The following CHODL variants were observed in gnomAD, a reference collection of about 807,000 sequenced individuals.
The protein encoded by CHODL is transmembrane protein MT75.
A neutral mutation model predicts 34.5 loss-of-function variants in CHODL; 29 were observed. That is an observed-to-expected ratio of 0.84 (90% CI 0.63 to 1.15). The LOEUF (loss-of-function observed/expected upper bound fraction) is 1.15, where lower values mean the gene tolerates loss of function less well. Ranked by LOEUF, CHODL falls within the 50% of genes most tolerant of loss-of-function variation. The pLI, the probability that CHODL is intolerant of heterozygous loss-of-function variation, is 0.00. For synonymous variants in CHODL, 125 were observed against 116.1 expected, an observed-to-expected ratio of 1.08 and a Z score of -0.49; for missense variants, 332 against 332.5, an observed-to-expected ratio of 1.00 and a Z score of 0.01.
rs998733615 is a variant in CHODL at position 18,163,445 on chromosome 21, T to TC, written c.-44-93060dup. Among the ~76,000 whole-genome samples the TC allele has an allele frequency of 4.6e-5, 7 of 152,214 alleles. No individual in the cohort carries two copies. The East Asian group carries it at 1.3e-3, about 29-fold the overall frequency. On this transcript the variant is annotated intron_variant, in intron 2 of 6. Transcript: ENST00000400127. ...AGGATTTTTTCAATTGCCTTTTTTT[T>TC]CCCCTAGAGAGTAAATGTGAAAGAC... is the stretch of plus-strand genomic sequence containing the variant.
chr21:18,216,989 A>G (rs149032967), intron 2 of CHODL, among the ~76,000 whole-genome samples: 2 of 152,162 alleles, frequency 1.3e-5, no homozygotes, highest in East Asian at 1.9e-4. Context: ...GCAGGATTTC[A>G]TCCTTTTTTA....
At chr21:18,182,372 C>T (rs898055932) in intron 2 of CHODL, among the ~76,000 whole-genome samples, 1 of 152,208 alleles carries the variant, frequency 6.6e-6, no homozygotes, top group African/African-American at 2.4e-5. Context: ...TCTTTCTCCA[C>T]TGGCATAAAA....
intron 1 of CHODL, among the ~76,000 whole-genome samples, chr21:18,019,068 G>T (rs56289939): frequency 5.9e-5 from 9 of 152,116 alleles, no homozygotes; most frequent in Non-Finnish European, 1.0e-4. Context: ...AAACAATAAA[G>T]ATAAAAATGA....
chr21:18,015,329 T>C (rs534953680), intron 1 of CHODL, among the ~76,000 whole-genome samples: 4 of 152,164 alleles, frequency 2.6e-5, no homozygotes, highest in Non-Finnish European at 5.9e-5. Context: ...TGTCACTGTG[T>C]GAAGATGTGC....
rs112719342 is a variant in CHODL at position 17,939,305 on chromosome 21, C to G, written c.-145+21905C>G. Among the ~76,000 whole-genome samples, 2 of 152,126 alleles carry G rather than the reference C, an allele frequency of 1.3e-5. 1 individual carries two copies. The highest frequency in any genetic ancestry group is 4.1e-4 in the South Asian group (2 of 4,826). On this transcript the variant is annotated intron_variant, in intron 1 of 6. Transcript: ENST00000400127. ...GATATGGATTTGACTATTTTAGACA[C>G]TGAATATAAGAAGAATCATGCAGTA... is the stretch of plus-strand genomic sequence containing the variant.
chr21:18,086,431 A>G (rs1035300282), intron 2 of CHODL, among the ~76,000 whole-genome samples: 2 of 151,600 alleles, frequency 1.3e-5, no homozygotes, highest in African/African-American at 4.9e-5. Flanking sequence ...TCTTTTTTTC[A>G]TGTTTTCTGT....
intron 2 of CHODL, among the ~76,000 whole-genome samples, chr21:18,099,453 T>A (rs965319537): frequency 1.3e-5 from 2 of 151,530 alleles, no homozygotes; most frequent in Non-Finnish European, 2.9e-5. Flanking sequence ...AGGAATATAG[T>A]TTATATTTTC....
chr21:18,255,733 G>A (rs982426785), intron 1 of CHODL, among the ~76,000 whole-genome samples: 2 of 151,784 alleles, frequency 1.3e-5, no homozygotes, highest in African/African-American at 4.8e-5. Flanking sequence ...AATTCTTTAA[G>A]TTCATAGTTG....
At chr21:18,223,804 C>G (rs770378880) in intron 2 of CHODL, among the ~76,000 whole-genome samples, 1 of 152,192 alleles carries the variant, frequency 6.6e-6, no homozygotes, top group South Asian at 2.1e-4. Flanking sequence ...GTTTGTTACT[C>G]GAACCAACGT....
intron 2 of CHODL, among the ~76,000 whole-genome samples, chr21:18,132,694 T>C (rs1292404974): frequency 6.6e-6 from 1 of 152,154 alleles, no homozygotes; most frequent in Non-Finnish European, 1.5e-5. Context: ...CATATCCAAC[T>C]GTATTTGCGT....
chr21:18,142,626 A>G (rs1318582270), intron 2 of CHODL, among the ~76,000 whole-genome samples: 5 of 152,144 alleles, frequency 3.3e-5, no homozygotes, highest in Non-Finnish European at 7.4e-5. Context: ...CTTCAGATCC[A>G]TTTCCACTGG....
intron 2 of CHODL, among the ~76,000 whole-genome samples, chr21:18,128,030 T>G (rs1688194): frequency 1 from 152,037 of 152,038 alleles, 76,018 homozygotes; most frequent in Non-Finnish European, 1. Flanking sequence ...GCAGGGCGTA[T>G]TGGCTCATGC....
chr21:18,076,640 T>C (rs543191824), intron 2 of CHODL, among the ~76,000 whole-genome samples: 1 of 152,326 alleles, frequency 6.6e-6, no homozygotes, highest in East Asian at 1.9e-4. Context: ...GTGGTCAAGA[T>C]TAACTGATAG....
At chr21:18,065,340 C>T (rs889864985) in intron 2 of CHODL, among the ~76,000 whole-genome samples, 15 of 152,184 alleles carry the variant, frequency 9.9e-5, no homozygotes, top group African/African-American at 3.4e-4. Context: ...ACTGCTTGGA[C>T]CATAACATGC....
At chr21:17,921,299 A>G (rs1050728360) in intron 1 of CHODL, among the ~76,000 whole-genome samples, 2 of 152,140 alleles carry the variant, frequency 1.3e-5, no homozygotes, top group African/African-American at 4.8e-5. Context: ...AGCCTCATCT[A>G]TATTATGGAG....
At chr21:18,062,954 T>C (rs2064687397) in intron 2 of CHODL, among the ~76,000 whole-genome samples, 1 of 152,058 alleles carries the variant, frequency 6.6e-6, no homozygotes, top group South Asian at 2.1e-4. Flanking sequence ...TCTTCTGATT[T>C]TAAAAAAGAA....
intron 2 of CHODL, among the ~76,000 whole-genome samples, chr21:18,168,927 A>G (rs139993678): frequency 0.013 from 1,991 of 152,128 alleles, 33 homozygotes; most frequent in African/African-American, 0.044. Context: ...TTTATTTTGA[A>G]CCACTTCTTT....
chr21:18,099,210 G>GTATT (rs2065179994), intron 2 of CHODL, among the ~76,000 whole-genome samples: 1 of 151,914 alleles, frequency 6.6e-6, no homozygotes, highest in Non-Finnish European at 1.5e-5. Flanking sequence ...TAATTTAATT[G>GTATT]TACATTTTAA....
Position 18,234,354 on chromosome 21 carries a change from T to TGG in CHODL, c.-44-22155_-44-22154insGG, listed in dbSNP as rs1473485657. 3.6e-3 allele frequency among the ~76,000 whole-genome samples: 550 copies of TGG among 152,188 alleles called. 5 individuals are homozygous for TGG. The highest frequency in any genetic ancestry group is 0.012 in the African/African-American group (509 of 41,536). ...AAATGGAAGCAGAGTGTGGACTATT[T>TGG]TCTTGCCCTCTACTGGCCGTGAAGC... On this transcript the variant is annotated intron_variant, in intron 2 of 6. Coordinates refer to the CHODL transcript ENST00000400127.
Sources: gnomAD v4.1 joint callset for allele counts (sites outside exome capture counted in the v4.1 genomes callset) on GRCh38, gnomAD v4.1.1 for gene constraint, MANE v1.5 for transcripts, NCBI Gene and HGNC (gene_info 2026-07-23, HGNC 2026-07-21) for gene names.